The following C6 variants were observed in gnomAD, a reference collection of about 807,000 sequenced individuals.
C6 encodes the protein complement component C6.
In C6, 101 loss-of-function variants were observed where a neutral mutation model predicts 112.9. That is an observed-to-expected ratio of 0.89 (90% CI 0.76 to 1.06). C6 has a LOEUF of 1.06. C6 is among the 50% of genes least tolerant of loss of function. The pLI is 0.00. For missense variants in C6, 1,202 were observed against 1,104.6 expected (o/e 1.09, Z -1.25); for synonymous variants, 431 against 384.1 (o/e 1.12, Z -1.43).
chr5:41,234,386 A>G (rs1411775776), intron 1 of C6, among the ~76,000 whole-genome samples: 2 of 140,038 alleles, frequency 1.4e-5, no homozygotes, highest in African/African-American at 2.7e-5. Context: ...TGCTTGGAAG[A>G]TGTTGCATAA....
At chr5:41,191,700 C>T (rs1320588644) in intron 5 of C6, among the ~76,000 whole-genome samples, 2 of 151,482 alleles carry the variant, frequency 1.3e-5, no homozygotes, top group East Asian at 3.9e-4. Flanking sequence ...TCTTTTCCCT[C>T]TAGCTCGTGA....
Position 41,226,723 on chromosome 5 carries a change from A to G in C6, c.-20-23473T>C, listed in dbSNP as rs534550366. ...TCACACAATGTTTGTCTTTCTTTGC[A>G]TGTCTTATTTTATTTAGTGTAGTGT... On this transcript the variant is annotated intron_variant, in intron 1 of 17. Transcript: ENST00000263413. 2.6e-5 allele frequency among the ~76,000 whole-genome samples: 4 copies of G among 151,960 alleles called. No homozygotes were observed. The South Asian group carries it at 6.2e-4, about 24-fold the overall frequency.
In C6 at chr5:41,181,464, CT is replaced by C. The variant is rs557023458; in HGVS notation, c.821del (p.Gln274ArgfsTer46). On this transcript the variant is annotated frameshift_variant, in exon 7 of 18. Transcript: ENST00000337836. LOFTEE classifies it high-confidence loss of function. ...TTGGTACACTGAAAGAGCTCCCCCC[CT>C]GACTTGAGAATGAGCCTTGTTGATT... ...NENQQGSFSS[Q>X]GGSSFSVPIF... The C allele has an allele frequency of 3.0e-4, 491 of 1,613,794 alleles. 3 individuals carry two copies. In the African/African-American group the frequency reaches 4.2e-3, roughly 14 times the overall value.
In C6 at chr5:41,172,288, A is replaced by C; in HGVS notation, c.1228T>G (p.Phe410Val). Residue 410 changes from phenylalanine to valine, a missense_variant, in exon 9 of 18, where the codon TTT becomes GTT. Transcript: ENST00000337836. ...TGTTCCACTTTTGTTTTCTTAGCAA[A>C]TAAAACGCGTTTCTTTGTTTCAATC... Reference protein sequence around the residue: ...VRIETKKRVLFAKKTKVEHRC... With the variant: ...VRIETKKRVLVAKKTKVEHRC... The C allele has an allele frequency of 6.2e-7, 1 of 1,613,734 alleles. No individual in the cohort carries two copies. Among genetic ancestry groups the C allele is most frequent in the Non-Finnish European group, 8.5e-7 (1 of 1,179,782 alleles).
intron 9 of C6, among the ~76,000 whole-genome samples, chr5:41,162,850 G>A (rs528452901): frequency 6.6e-6 from 1 of 152,144 alleles, no homozygotes; most frequent in South Asian, 2.1e-4. Flanking sequence ...ACAAAACAAA[G>A]GTATACAAGG....
At chr5:41,219,916 A>G (rs1257781459) in intron 1 of C6, among the ~76,000 whole-genome samples, 1 of 152,244 alleles carries the variant, frequency 6.6e-6, no homozygotes, top group Non-Finnish European at 1.5e-5. Context: ...CTGCATGGGA[A>G]GACAGCAGTT....
intron 12 of C6, 40 bp from the exon 13 acceptor site, chr5:41,158,825 G>A: frequency 2.9e-5 from 33 of 1,144,376 alleles, no homozygotes; most frequent in Non-Finnish European, 4.4e-5. Flanking sequence ...ATGTATGTAT[G>A]TACACACATT....
chr5:41,256,401 A>G (rs919407865), intron 1 of C6, among the ~76,000 whole-genome samples: 1 of 150,444 alleles, frequency 6.6e-6, no homozygotes, highest in African/African-American at 2.5e-5. Flanking sequence ...CACAATGTGC[A>G]CATATACCCT....
At chr5:41,194,346 C>T (rs1341505116) in intron 5 of C6, among the ~76,000 whole-genome samples, 1 of 152,090 alleles carries the variant, frequency 6.6e-6, no homozygotes, top group East Asian at 1.9e-4. Flanking sequence ...TTAAATAACT[C>T]GGCTGTGGTG....
At chr5:41,166,180 T>G (rs1273881646) in intron 9 of C6, among the ~76,000 whole-genome samples, 1 of 152,158 alleles carries the variant, frequency 6.6e-6, no homozygotes, top group African/African-American at 2.4e-5. Flanking sequence ...GCAGCACCTA[T>G]TAACATTCTG....
In C6 at chr5:41,161,859, C is replaced by G; in HGVS notation, c.1292G>C (p.Gly431Ala). ...TTNKLSEKHE[G>A]SFIQGAEKSI... ...TTTCTCTGCTCCCTGTATAAATGAA[C>G]CTGCAAGGTGTTTCAATAAAAATGC... Residue 431 changes from glycine to alanine, a missense_variant and splice_region_variant, in exon 10 of 18, where the codon GGT becomes GCT. By Grantham distance (60) the Gly-to-Ala change is moderately conservative. Transcript: ENST00000337836. 6.2e-7 allele frequency: 1 copy of G among 1,613,302 alleles called. No individual in the cohort carries two copies. Among genetic ancestry groups the G allele is most frequent in the South Asian group, 1.1e-5 (1 of 91,070 alleles).
intron 1 of C6, among the ~76,000 whole-genome samples, chr5:41,205,144 G>T (rs1028559519): frequency 2.6e-5 from 4 of 152,160 alleles, no homozygotes; most frequent in Non-Finnish European, 5.9e-5. Flanking sequence ...AGGGTAGAAA[G>T]AAATTGAAAA....
rs771642911 is a variant in C6 at position 41,160,353 on chromosome 5, C to T, written c.1473G>A (p.Val491=). 1 of 1,613,660 alleles carries T rather than the reference C, an allele frequency of 6.2e-7. No individual in the cohort carries two copies. The highest frequency in any genetic ancestry group is 1.7e-5 in the Admixed American group (1 of 59,956). ...AVIDFELAPI[V]DLVRNIPCAV... ...CACAGGGGATGTTTCTTACCAAGTC[C>T]ACGATGGGGGCAAGCTAGGAGAAAA... Residue 491 remains valine (V), a synonymous_variant, in exon 11 of 18, where the codon GTG becomes GTA. Coordinates refer to ENST00000337836, the MANE Select transcript of C6 (RefSeq NM_000065.5).
intron 1 of C6, among the ~76,000 whole-genome samples, chr5:41,204,670 C>CTT (rs1196116815): frequency 7.3e-4 from 72 of 98,576 alleles, no homozygotes; most frequent in East Asian, 2.3e-3. Flanking sequence ...TTTTTTTTTT[C>CTT]TTTTTTTTTT....
At chr5:41,246,967 T>C (rs1230677213) in intron 1 of C6, among the ~76,000 whole-genome samples, 1 of 152,226 alleles carries the variant, frequency 6.6e-6, no homozygotes, top group Non-Finnish European at 1.5e-5. Flanking sequence ...ATCTGTGCAA[T>C]AATGACAGAT....
intron 1 of C6, among the ~76,000 whole-genome samples, chr5:41,223,063 G>A (rs976971112): frequency 1.3e-5 from 2 of 152,054 alleles, no homozygotes; most frequent in African/African-American, 2.4e-5. Flanking sequence ...TGTAATTTAT[G>A]TTATTGTGAG....
At chr5:41,203,817 T>G in intron 1 of C6, 1 of 161,848 alleles carries the variant, frequency 6.2e-6, no homozygotes, top group Non-Finnish European at 1.4e-5. Context: ...TTTATGGAGA[T>G]AAAATGAGGC....
intron 12 of C6, 127 bp from the exon 13 acceptor site, chr5:41,158,912 C>T: frequency 9.5e-7 from 1 of 1,051,982 alleles, no homozygotes; most frequent in Non-Finnish European, 1.5e-6. Flanking sequence ...AAACATTACA[C>T]ACAGAAAAAG....
intron 1 of C6, among the ~76,000 whole-genome samples, chr5:41,223,881 T>G (rs1002617872): frequency 1.3e-5 from 2 of 152,184 alleles, no homozygotes; most frequent in Non-Finnish European, 2.9e-5. Flanking sequence ...AGTTATCATA[T>G]CTATCTCTTT....
Sources: gnomAD v4.1 joint callset for allele counts (sites outside exome capture counted in the v4.1 genomes callset) on GRCh38, gnomAD v4.1.1 for gene constraint, MANE v1.5 for transcripts, NCBI Gene and HGNC (gene_info 2026-07-23, HGNC 2026-07-21) for gene names.